The following CDKAL1 variants were observed in gnomAD, a reference collection of about 807,000 sequenced individuals.
CDKAL1 encodes threonylcarbamoyladenosine tRNA methylthiotransferase.
A neutral mutation model predicts 68.2 loss-of-function variants in CDKAL1; 32 were observed. The observed-to-expected ratio is 0.47, with a 90% CI of 0.35 to 0.63. The LOEUF (loss-of-function observed/expected upper bound fraction) is 0.63, where lower values mean the gene tolerates loss of function less well. Ranked by LOEUF, CDKAL1 falls within the 30% of genes least tolerant of loss-of-function variation. The pLI is 0.00. For missense variants in CDKAL1, 606 were observed against 696.7 expected, an observed-to-expected ratio of 0.87 and a Z score of 1.47; for synonymous variants, 234 against 244.3, an observed-to-expected ratio of 0.96 and a Z score of 0.39.
chr6:20,730,044 G>A (rs1297810067), intron 5 of CDKAL1, among the ~76,000 whole-genome samples: 1 of 152,148 alleles, frequency 6.6e-6, no homozygotes, highest in African/African-American at 2.4e-5. Flanking sequence ...CATTGGCCTG[G>A]CACAGTGGCT....
At chr6:20,636,121 T>G (rs1044045389) in intron 4 of CDKAL1, among the ~76,000 whole-genome samples, 2 of 152,132 alleles carry the variant, frequency 1.3e-5, no homozygotes, top group African/African-American at 2.4e-5. Flanking sequence ...GTCAGAAATT[T>G]TCTTCTAGGT....
At chr6:21,069,765 ATTTTCTTTCTTTT>A (rs1771653054) in intron 12 of CDKAL1, among the ~76,000 whole-genome samples, 1 of 82,272 alleles carries the variant, frequency 1.2e-5, no homozygotes, top group African/African-American at 4.4e-5. Flanking sequence ...AATCCCCCAG[ATTTTCTTTCTTTT>A]TTTTTTTTTT....
intron 9 of CDKAL1, among the ~76,000 whole-genome samples, chr6:20,884,016 T>C (rs1019381654): frequency 6.6e-5 from 10 of 152,050 alleles, no homozygotes; most frequent in Non-Finnish European, 7.4e-5. Flanking sequence ...GATAAAGATA[T>C]CAGAAGAAAA....
intron 5 of CDKAL1, among the ~76,000 whole-genome samples, chr6:20,725,638 G>A (rs1772608550): frequency 6.6e-6 from 1 of 152,168 alleles, no homozygotes; most frequent in South Asian, 2.1e-4. Flanking sequence ...TACAAAATTA[G>A]CCGGGCGTGG....
chr6:21,060,648 A>T (rs1186348940), intron 11 of CDKAL1, among the ~76,000 whole-genome samples: 1 of 152,136 alleles, frequency 6.6e-6, no homozygotes, highest in Non-Finnish European at 1.5e-5. Context: ...TAAAATCTAT[A>T]AATTTTTCTC....
intron 12 of CDKAL1, among the ~76,000 whole-genome samples, chr6:21,095,792 G>T (rs981855543): frequency 6.6e-6 from 1 of 151,996 alleles, no homozygotes; most frequent in Admixed American, 6.5e-5. Flanking sequence ...ATTGCTTTCT[G>T]GTTATCAAAT....
intron 4 of CDKAL1, among the ~76,000 whole-genome samples, chr6:20,585,256 G>A (rs1285803030): frequency 6.6e-6 from 1 of 151,978 alleles, no homozygotes; most frequent in South Asian, 2.1e-4. Context: ...GTTTCACCGT[G>A]TTAGCCAGGA....
chr6:21,212,216 C>T (rs547372845), intron 15 of CDKAL1, among the ~76,000 whole-genome samples: 83 of 152,264 alleles, frequency 5.5e-4, no homozygotes, highest in African/African-American at 2.0e-3. Context: ...GAACTTGGCT[C>T]TCGGCGATAT....
chr6:21,026,289 T>C (rs1455290041), intron 11 of CDKAL1, among the ~76,000 whole-genome samples: 1 of 152,188 alleles, frequency 6.6e-6, no homozygotes, highest in Non-Finnish European at 1.5e-5. Context: ...TGTATATCTT[T>C]ATATATTCAA....
chr6:20,563,637 A>C (rs1317180239), intron 4 of CDKAL1, among the ~76,000 whole-genome samples: 1 of 150,172 alleles, frequency 6.7e-6, no homozygotes, highest in African/African-American at 2.4e-5. Context: ...ATGAGCCACC[A>C]CACCTAGCCA....
chr6:20,915,316 A>G (rs1020430087), intron 9 of CDKAL1, among the ~76,000 whole-genome samples: 11 of 152,302 alleles, frequency 7.2e-5, no homozygotes, highest in African/African-American at 2.6e-4. Flanking sequence ...ACACCCCCAC[A>G]CACACAGATT....
intron 8 of CDKAL1, among the ~76,000 whole-genome samples, chr6:20,834,074 G>A (rs1410825645): frequency 6.6e-6 from 1 of 152,170 alleles, no homozygotes; most frequent in Middle Eastern, 3.2e-3. Context: ...GCAGGTTTTT[G>A]TGGTTTCTTT....
chr6:20,734,778 G>A (rs1773108606), intron 5 of CDKAL1, among the ~76,000 whole-genome samples: 1 of 151,978 alleles, frequency 6.6e-6, no homozygotes, highest in East Asian at 1.9e-4. Context: ...TGCCCAGGCT[G>A]GTCTCAAACG....
At chr6:21,155,546 A>G (rs1262753441) in intron 13 of CDKAL1, among the ~76,000 whole-genome samples, 2 of 152,190 alleles carry the variant, frequency 1.3e-5, no homozygotes, top group African/African-American at 4.8e-5. Flanking sequence ...ATCACTTAGT[A>G]CATTTTCTGT....
chr6:21,198,298 G>A (rs932553263), intron 14 of CDKAL1, among the ~76,000 whole-genome samples, 194 bp downstream of exon 14: 3 of 152,210 alleles, frequency 2.0e-5, no homozygotes, highest in African/African-American at 7.2e-5. Flanking sequence ...CAAAGGAATA[G>A]GTGTATTTAG....
chr6:20,918,798 G>A (rs1762829169), intron 9 of CDKAL1, among the ~76,000 whole-genome samples: 1 of 152,150 alleles, frequency 6.6e-6, no homozygotes, highest in Non-Finnish European at 1.5e-5. Flanking sequence ...TCCTGATGGG[G>A]CATTAAGAAA....
intron 8 of CDKAL1, among the ~76,000 whole-genome samples, chr6:20,808,203 A>C (rs1776652655): frequency 6.6e-6 from 1 of 152,224 alleles, no homozygotes; most frequent in Non-Finnish European, 1.5e-5. Flanking sequence ...AAATTAAGTA[A>C]AATATTATTC....
intron 7 of CDKAL1, among the ~76,000 whole-genome samples, chr6:20,773,382 T>A (rs1476292644): frequency 6.6e-6 from 1 of 152,216 alleles, no homozygotes; most frequent in Admixed American, 6.5e-5. Context: ...ATTGAGTAGT[T>A]AAAATGCCTG....
chr6:21,170,562 T>G lies in CDKAL1; in HGVS notation c.1300-27459T>G, dbSNP rs537346186. Among the ~76,000 whole-genome samples, 53 of 152,238 alleles carry G rather than the reference T, an allele frequency of 3.5e-4. No homozygotes were observed. The Middle Eastern group carries it at 0.014, about 39-fold the overall frequency. On this transcript the variant is annotated intron_variant, in intron 13 of 15. Coordinates refer to ENST00000274695, the MANE Select transcript of CDKAL1 (RefSeq NM_017774.3). ...CCAGGCTGGTCTTGAATTCCTGACC[T>G]CATGATCGACCCGCCTCAGCCTCCC...
Sources: allele counts gnomAD v4.1 joint callset (sites outside exome capture counted in the v4.1 genomes callset), GRCh38; gene constraint gnomAD v4.1.1; transcripts MANE v1.5; gene names NCBI Gene and HGNC (gene_info 2026-07-23, HGNC 2026-07-21).